Variants in MARCHF2 observed in about 807,000 individuals in gnomAD.
The protein encoded by MARCHF2 is membrane associated ring-CH-type finger 2, also known as E3 ubiquitin-protein ligase MARCHF2.
In MARCHF2, 22 loss-of-function variants were observed where a neutral mutation model predicts 24.0. The observed-to-expected ratio is 0.92, with a 90% CI of 0.66 to 1.31. The LOEUF (loss-of-function observed/expected upper bound fraction) is 1.31. Among genes scored for constraint, MARCHF2 ranks in the 50% most tolerant of loss-of-function variants. The probability of loss-of-function intolerance (pLI) is 0.00; values close to 1 mark genes in which losing one functional copy is unlikely to be tolerated. For synonymous variants in MARCHF2, 154 were observed against 153.0 expected (o/e 1.01, Z -0.05); for missense variants, 301 against 335.3 (o/e 0.90, Z 0.80).
rs984178748 is a variant in MARCHF2, at chr19:8,423,204, C to T, written c.176+1188C>T. On this transcript the variant is annotated intron_variant, in intron 2 of 4. Transcript: ENST00000215555. ...CCTCCCAAGTAGCTAGGATTACAGC[C>T]CCCCCGCCCCGACCATGCCCGACTA... Among the ~76,000 whole-genome samples, 5 of 150,480 alleles carry T rather than the reference C, an allele frequency of 3.3e-5. No individual in the cohort carries two copies. In the East Asian group the frequency reaches 6.0e-4, roughly 18 times the overall value.
chr19:8,436,249 C>T (rs1967719250), intron 4 of MARCHF2, among the ~76,000 whole-genome samples: 1 of 151,940 alleles, frequency 6.6e-6, no homozygotes, highest in Non-Finnish European at 1.5e-5. Context: ...ATTCTCCTGC[C>T]TCAGCCTCCC....
At chr19:8,426,834 G>A in intron 3 of MARCHF2, 30 bp downstream of exon 3, 2 of 1,599,560 alleles carry the variant, frequency 1.3e-6, no homozygotes, top group Non-Finnish European at 8.5e-7. Context: ...ACTGCGGTGG[G>A]CAGTGGGGAG....
At chr19:8,414,527 C>A (rs1384234034) in intron 1 of MARCHF2, among the ~76,000 whole-genome samples, 2 of 152,134 alleles carry the variant, frequency 1.3e-5, no homozygotes, top group Admixed American at 6.6e-5. Flanking sequence ...CCTTGAACTC[C>A]CAAAGTGCAC....
Position 8,438,613 on chromosome 19 carries a change from A to G in MARCHF2, c.*67A>G. ...AGCTGGTGATACCCTGTCCTGTGGA[A>G]GGACTTCCACTTCAACACTTCCACT... is the stretch of plus-strand genomic sequence containing the variant. On this transcript the variant is annotated 3_prime_UTR_variant, in exon 5 of 5. Transcript: ENST00000215555. 1 of 1,540,386 alleles carries G rather than the reference A, an allele frequency of 6.5e-7. No homozygotes were observed. Among genetic ancestry groups the G allele is most frequent in the African/African-American group, 1.4e-5 (1 of 73,098 alleles).
In MARCHF2 at chr19:8,426,701, A is replaced by G. The variant is rs763228431; in HGVS notation, c.269A>G (p.His90Arg). 21 of 1,613,836 alleles carry G rather than the reference A, an allele frequency of 1.3e-5. No individual in the cohort carries two copies. The highest frequency in any genetic ancestry group is 1.8e-5 in the Non-Finnish European group (21 of 1,180,028). ...CGCTGTLGAV[H>R]KSCLEKWLSS... ...TGCACCGGCACGCTGGGTGCCGTGCATAAGAGCTGTCTGGAGAAGTGGCTT... is the reference window on the plus strand; with the variant it reads ...TGCACCGGCACGCTGGGTGCCGTGCGTAAGAGCTGTCTGGAGAAGTGGCTT... Residue 90 changes from histidine (H) to arginine (R), a missense_variant, in exon 3 of 5, where the codon CAT (histidine) becomes CGT (arginine). Transcript: ENST00000215555.
chr19:8,428,593 T>C (rs1049166865), intron 3 of MARCHF2, among the ~76,000 whole-genome samples: 2 of 131,716 alleles, frequency 1.5e-5, no homozygotes, highest in Non-Finnish European at 3.1e-5. Flanking sequence ...GAGTTTGCAG[T>C]GAGTTGAGAT....
chr19:8,430,546 AAAG>A lies in MARCHF2; in HGVS notation c.373-109_373-107del. On this transcript the variant is annotated intron_variant, in intron 3 of 4. Transcript: ENST00000215555. This position sits in a 1 kb window ranked among gnomAD's most constrained non-coding sequence, Gnocchi z 4.4. ...TGAGAATCTGTCTCAAAAAAAAAAA[AAAG>A]AAAGAAGGAAAGGACAGAGGGAGGC... The A allele has an allele frequency of 1.3e-5, 11 of 815,594 alleles. No homozygotes were observed. Among genetic ancestry groups the A allele is most frequent in the Non-Finnish European group, 1.7e-5 (9 of 523,202 alleles). The allele number at this position is 815,594 out of a possible 1,614,324, so 50.5% of individuals were successfully genotyped here. A position where few individuals can be genotyped will look rare whatever the true frequency, so the allele number is the denominator to read the frequency against.
chr19:8,416,529 C>T (rs1967091853), intron 1 of MARCHF2, among the ~76,000 whole-genome samples: 2 of 151,986 alleles, frequency 1.3e-5, no homozygotes, highest in Admixed American at 1.3e-4. Flanking sequence ...ATGTTTCAGA[C>T]AGGGACACAT....
Position 8,419,988 on chromosome 19 carries a change from C to T in MARCHF2, c.-52-1801C>T, listed in dbSNP as rs1335139311. Among the ~76,000 whole-genome samples, 3 of 148,682 alleles carry T rather than the reference C, an allele frequency of 2.0e-5. No individual in the cohort carries two copies. In the East Asian group the frequency reaches 5.8e-4, roughly 29 times the overall value. On this transcript the variant is annotated intron_variant, in intron 1 of 4. Transcript: ENST00000215555. ...CCTGGCTAACATGGTGAAACCCCGTCTGTACTAAAAATTCAAAAAATTAGC... is the reference window on the plus strand; with the variant it reads ...CCTGGCTAACATGGTGAAACCCCGTTTGTACTAAAAATTCAAAAAATTAGC...
rs1156296451 is a variant in MARCHF2 at position 8,437,347 on chromosome 19, C to CTTTTT, written c.583-1040_583-1039insTTTTT. ...CACCACTGTTTATTTATTCATTCACCTATTTTTTTTTTTTTTTTTTTTGAG... is the reference window on the plus strand; with the variant it reads ...CACCACTGTTTATTTATTCATTCACCTTTTTTATTTTTTTTTTTTTTTTTTTTGAG... On this transcript the variant is annotated intron_variant, in intron 4 of 4. Coordinates refer to ENST00000215555, the MANE Select transcript of MARCHF2 (RefSeq NM_001005415.2). Among the ~76,000 whole-genome samples the CTTTTT allele has an allele frequency of 2.0e-4, 23 of 113,948 alleles. 10 individuals carry two copies. Among genetic ancestry groups the CTTTTT allele is most frequent in the African/African-American group, 1.9e-4 (7 of 36,904 alleles). The allele number at this position is 113,948 out of a possible 152,430, so 74.8% of individuals were successfully genotyped here. A position where few individuals can be genotyped will look rare whatever the true frequency, so the allele number is the denominator to read the frequency against.
chr19:8,416,430 G>A (rs1160035608), intron 1 of MARCHF2, among the ~76,000 whole-genome samples: 3 of 152,010 alleles, frequency 2.0e-5, no homozygotes, highest in African/African-American at 7.2e-5. Context: ...TGGGGACAGC[G>A]GGAGGCAATC....
chr19:8,413,856 G>A (rs1322074046), intron 1 of MARCHF2: 2 of 152,284 alleles, frequency 1.3e-5, no homozygotes, highest in Non-Finnish European at 2.9e-5. Context: ...GATGCCCTGT[G>A]CTATGTGGGT....
chr19:8,418,152 C>A (rs75630517), intron 1 of MARCHF2, among the ~76,000 whole-genome samples: 3 of 152,162 alleles, frequency 2.0e-5, no homozygotes, highest in Non-Finnish European at 4.4e-5. Context: ...CCTGCCTTCC[C>A]GTAAAGAGCC....
chr19:8,437,055 C>G (rs1967745055), intron 4 of MARCHF2, among the ~76,000 whole-genome samples: 1 of 149,476 alleles, frequency 6.7e-6, no homozygotes, highest in Admixed American at 6.8e-5. Context: ...GCACAGCTTG[C>G]TGCAGCGTCA....
At chr19:8,423,912 G>T (rs1199560710) in intron 2 of MARCHF2, among the ~76,000 whole-genome samples, 2 of 150,756 alleles carry the variant, frequency 1.3e-5, no homozygotes, top group Non-Finnish European at 2.9e-5. Flanking sequence ...TGAGGCAGGA[G>T]GATCGCTCGA....
chr19:8,423,135 C>T (rs1288480616), intron 2 of MARCHF2, among the ~76,000 whole-genome samples: 1 of 150,836 alleles, frequency 6.6e-6, no homozygotes, highest in Non-Finnish European at 1.5e-5. Flanking sequence ...TCTCAGCTCA[C>T]TGCAACCTCT....
In MARCHF2 at chr19:8,426,525, G is replaced by A. The variant is rs114986291; in HGVS notation, c.177-84G>A. Reference sequence around the variant, plus strand: ...TCACTAAGTGGCAGCATGGGGTAAGGGTGAGCTTGTGATCCAGTGGGTAGT... The same window carrying A: ...TCACTAAGTGGCAGCATGGGGTAAGAGTGAGCTTGTGATCCAGTGGGTAGT... On this transcript the variant is annotated intron_variant, in intron 2 of 4. Coordinates refer to ENST00000215555, the MANE Select transcript of MARCHF2 (RefSeq NM_001005415.2). 3,353 of 1,125,228 alleles carry A rather than the reference G, an allele frequency of 3.0e-3. 63 individuals carry two copies. The African/African-American group carries it at 0.044, about 15-fold the overall frequency. The allele number at this position is 1,125,228 out of a possible 1,614,324, so 69.7% of individuals were successfully genotyped here.
chr19:8,434,165 A>G (rs1044852467), intron 4 of MARCHF2, among the ~76,000 whole-genome samples: 1 of 137,344 alleles, frequency 7.3e-6, no homozygotes, highest in African/African-American at 2.7e-5. Context: ...GCTCACTGCC[A>G]TCTCCGCCTC....
At chr19:8,422,912 C>T (rs946834235) in intron 2 of MARCHF2, among the ~76,000 whole-genome samples, 3 of 142,230 alleles carry the variant, frequency 2.1e-5, no homozygotes, top group African/African-American at 5.3e-5. Flanking sequence ...ACCATGTTGG[C>T]CAGGCTGATC....
Sources: gnomAD v4.1 joint callset for allele counts (sites outside exome capture counted in the v4.1 genomes callset) on GRCh38, gnomAD v4.1.1 for gene constraint, Gnocchi (gnomAD v3.1) non-coding constraint, MANE v1.5 for transcripts, NCBI Gene and HGNC (gene_info 2026-07-23, HGNC 2026-07-21) for gene names.